The following DPYSL3 variants were observed in gnomAD, a reference collection of about 807,000 sequenced individuals.
DPYSL3 encodes the protein dihydropyrimidinase-related protein 3.
In DPYSL3, 16 loss-of-function variants were observed where a neutral mutation model predicts 66.1. The ratio of observed to expected loss-of-function variants is 0.24; its 90% CI spans 0.16 to 0.37. The LOEUF is 0.37. DPYSL3 is among the 10% of genes least tolerant of loss of function. The pLI, the probability that DPYSL3 is intolerant of heterozygous loss-of-function variation, is 1.00. For missense variants in DPYSL3, 738 were observed against 916.2 expected, an observed-to-expected ratio of 0.81 and a Z score of 2.51; for synonymous variants, 338 against 345.1, an observed-to-expected ratio of 0.98 and a Z score of 0.23.
At chr5:147,440,622 G>T (rs183328017) in intron 1 of DPYSL3, among the ~76,000 whole-genome samples, 1 of 152,288 alleles carries the variant, frequency 6.6e-6, no homozygotes, top group African/African-American at 2.4e-5. Flanking sequence ...TGCAGCCATG[G>T]GGAAGACTGT....
intron 6 of DPYSL3, 102 bp from the exon 7 acceptor site, chr5:147,408,898 T>C: frequency 8.9e-7 from 1 of 1,125,280 alleles, no homozygotes; most frequent in South Asian, 1.3e-5. Flanking sequence ...TAAATATGCG[T>C]ATGTTGAACA....
chr5:147,487,867 T>TC (rs1753359109), intron 1 of DPYSL3, among the ~76,000 whole-genome samples: 1 of 152,134 alleles, frequency 6.6e-6, no homozygotes, highest in Admixed American at 6.6e-5. Context: ...CATTTTGAAC[T>TC]CCCCACATCC....
chr5:147,468,230 A>T (rs1269588456), intron 1 of DPYSL3, among the ~76,000 whole-genome samples: 2 of 152,124 alleles, frequency 1.3e-5, no homozygotes, highest in African/African-American at 4.8e-5. Flanking sequence ...CATATCTTTG[A>T]CTCACTCAGC....
chr5:147,392,471 C>T lies in DPYSL3; in HGVS notation c.*1564G>A, dbSNP rs1164920348. On this transcript the variant is annotated 3_prime_UTR_variant, in exon 14 of 14. Transcript: ENST00000343218. ...CTGAGGCCTGCTCTTCTCTTCAAAGCACTTAGTACACAGGGTTACAGGTGC... is the reference window on the plus strand; with the variant it reads ...CTGAGGCCTGCTCTTCTCTTCAAAGTACTTAGTACACAGGGTTACAGGTGC... 2 of 152,234 alleles carry T rather than the reference C, an allele frequency of 1.3e-5. No homozygotes were observed. The highest frequency in any genetic ancestry group is 3.8e-4 in the East Asian group (2 of 5,196). 9.4% of individuals were successfully genotyped at this position (152,234 alleles called of 1,614,324 possible). A position where few individuals can be genotyped will look rare whatever the true frequency, so the allele number is the denominator to read the frequency against.
chr5:147,396,940 ATATT>A (rs1480259909), intron 12 of DPYSL3, among the ~76,000 whole-genome samples: 50 of 128,910 alleles, frequency 3.9e-4, no homozygotes, highest in South Asian at 2.6e-3. Context: ...ATATGTGAAT[ATATT>A]TATTTATACG....
chr5:147,435,317 T>C (rs574053162), intron 1 of DPYSL3, among the ~76,000 whole-genome samples: 1 of 152,346 alleles, frequency 6.6e-6, no homozygotes, highest in South Asian at 2.1e-4. Flanking sequence ...TGAAAACAGG[T>C]AGAAGCTTTA....
intron 1 of DPYSL3, among the ~76,000 whole-genome samples, chr5:147,477,888 C>G (rs1753183856): frequency 1.3e-5 from 2 of 151,586 alleles, no homozygotes. Flanking sequence ...GGCCCTAAAT[C>G]TTTACTAAAA....
intron 1 of DPYSL3, among the ~76,000 whole-genome samples, chr5:147,487,321 T>A (rs1416769520): frequency 6.6e-6 from 1 of 152,236 alleles, no homozygotes. Context: ...CAATGTCAGA[T>A]ATGTATTTAA....
intron 1 of DPYSL3, among the ~76,000 whole-genome samples, chr5:147,456,581 A>ATTTTTTTTT (rs985633099): frequency 2.5e-5 from 2 of 80,320 alleles, no homozygotes; most frequent in Non-Finnish European, 4.6e-5. Context: ...TACTGATTCT[A>ATTTTTTTTT]TTTTTTTTTT....
chr5:147,499,285 A>C (rs754984703), intron 1 of DPYSL3, among the ~76,000 whole-genome samples: 5 of 152,192 alleles, frequency 3.3e-5, no homozygotes, highest in South Asian at 2.1e-4. Context: ...GGAACTAGTA[A>C]GTGATTATAG....
chr5:147,435,930 G>C (rs1235923425), intron 1 of DPYSL3, among the ~76,000 whole-genome samples: 1 of 152,124 alleles, frequency 6.6e-6, no homozygotes, highest in East Asian at 1.9e-4. Context: ...AGAGGGAAAG[G>C]GGAGGGAGTG....
At chr5:147,462,509 C>T (rs533349789) in intron 1 of DPYSL3, among the ~76,000 whole-genome samples, 1 of 152,216 alleles carries the variant, frequency 6.6e-6, no homozygotes, top group South Asian at 2.1e-4. Flanking sequence ...GATTCAGGGG[C>T]CTGATATCTC....
At chr5:147,497,365 C>T (rs1753534877) in intron 1 of DPYSL3, among the ~76,000 whole-genome samples, 2 of 151,496 alleles carry the variant, frequency 1.3e-5, no homozygotes, top group African/African-American at 4.9e-5. Context: ...TAAACCTGCA[C>T]GTCATGCACA....
intron 1 of DPYSL3, among the ~76,000 whole-genome samples, chr5:147,445,547 T>A (rs1159252422): frequency 6.6e-6 from 1 of 152,154 alleles, no homozygotes; most frequent in East Asian, 1.9e-4. Flanking sequence ...AAAGATTAAG[T>A]GCTGGAGATT....
At chr5:147,465,634 G>A (rs371740881) in intron 1 of DPYSL3, among the ~76,000 whole-genome samples, 4 of 152,034 alleles carry the variant, frequency 2.6e-5, no homozygotes, top group Non-Finnish European at 5.9e-5. Context: ...TTATTACCCC[G>A]GGTGCTCTCA....
At chr5:147,433,343 G>A (rs892336150) in intron 1 of DPYSL3, among the ~76,000 whole-genome samples, 2 of 152,160 alleles carry the variant, frequency 1.3e-5, no homozygotes, top group Non-Finnish European at 2.9e-5. Context: ...AGGGTCAGGT[G>A]TAGGAACAAA....
intron 1 of DPYSL3, among the ~76,000 whole-genome samples, chr5:147,477,777 T>A (rs1488705882): frequency 4.7e-5 from 7 of 150,030 alleles, no homozygotes; most frequent in Admixed American, 4.6e-4. Context: ...AGAGACGGGG[T>A]TTCACCTTGT....
intron 2 of DPYSL3, among the ~76,000 whole-genome samples, chr5:147,422,125 T>C (rs536768080): frequency 2.4e-4 from 36 of 152,146 alleles, no homozygotes; most frequent in African/African-American, 7.7e-4. Context: ...ATACCCAGAA[T>C]CTACAAGGAA....
chr5:147,488,187 T>G (rs1293864692), intron 1 of DPYSL3, among the ~76,000 whole-genome samples: 1 of 152,178 alleles, frequency 6.6e-6, no homozygotes, highest in Admixed American at 6.5e-5. Context: ...ACATCTTTCC[T>G]CTTTAGTCCA....
Sources: allele counts gnomAD v4.1 joint callset (sites outside exome capture counted in the v4.1 genomes callset), GRCh38; gene constraint gnomAD v4.1.1; transcripts MANE v1.5; gene names NCBI Gene and HGNC (gene_info 2026-07-23, HGNC 2026-07-21).